FGF14: variants seen among roughly 807,000 people sequenced by gnomAD.
FGF14 encodes the protein fibroblast growth factor 14, also known as fibroblast growth factor homologous factor 4.
Under a neutral mutation model 25.5 loss-of-function variants are expected in FGF14, and 5 were observed. That is an observed-to-expected ratio of 0.20 (90% confidence interval 0.10 to 0.41). FGF14 has a LOEUF of 0.41. FGF14 is among the 10% of genes least tolerant of loss of function. FGF14 has a pLI of 1.00. For synonymous variants in FGF14, 138 were observed against 118.3 expected, an observed-to-expected ratio of 1.17 and a Z score of -1.08; for missense variants, 222 against 320.1, an observed-to-expected ratio of 0.69 and a Z score of 2.34.
intron 1 of FGF14, among the ~76,000 whole-genome samples, chr13:102,109,705 C>T (rs900371549): frequency 4.6e-5 from 7 of 152,064 alleles, no homozygotes; most frequent in African/African-American, 1.4e-4. Context: ...ACTGCAACAT[C>T]GCCTCCCAGG....
chr13:102,104,738 A>G (rs533646154), intron 1 of FGF14, among the ~76,000 whole-genome samples: 2 of 152,282 alleles, frequency 1.3e-5, no homozygotes. Context: ...GTGAGCTGTG[A>G]TCTTGCCACT....
chr13:102,218,719 C>T (rs1390727266), intron 1 of FGF14, among the ~76,000 whole-genome samples: 1 of 151,950 alleles, frequency 6.6e-6, no homozygotes, highest in African/African-American at 2.4e-5. Flanking sequence ...AATGTCACCA[C>T]CTTGGGGTGT....
chr13:102,119,603 T>C (rs1025498484), intron 1 of FGF14, among the ~76,000 whole-genome samples: 4 of 152,192 alleles, frequency 2.6e-5, no homozygotes, highest in African/African-American at 9.7e-5. Flanking sequence ...TCCCTTCAAA[T>C]GGTTTAGATG....
At chr13:101,899,461 A>T (rs1188305390) in intron 1 of FGF14, among the ~76,000 whole-genome samples, 4 of 152,094 alleles carry the variant, frequency 2.6e-5, no homozygotes, top group African/African-American at 9.6e-5. Flanking sequence ...ACTGGAAAAA[A>T]ATATAATACT....
At position 101,720,776 on chromosome 13, in the gene FGF14, A is replaced by AAATC. The variant is rs1436199247; in HGVS notation, c.*2051_*2054dup. 6.6e-6 allele frequency: 1 copy of AAATC among 152,168 alleles called. No homozygotes were observed. Among genetic ancestry groups the AAATC allele is most frequent in the African/African-American group, 2.4e-5 (1 of 41,446 alleles). 9.4% of individuals were successfully genotyped at this position (152,168 alleles called of 1,614,324 possible). ...ATAGGCTTCAAGATGACATAACACCAAATCAAAAATGACCAAAGGAATCAT... is the reference window on the plus strand; with the variant it reads ...ATAGGCTTCAAGATGACATAACACCAAATCAATCAAAAATGACCAAAGGAATCAT... On this transcript the variant is annotated 3_prime_UTR_variant, in exon 5 of 5. Coordinates refer to ENST00000376143, the MANE Select transcript of FGF14 (RefSeq NM_004115.4).
At chr13:101,787,819 A>G (rs2039935518) in intron 3 of FGF14, among the ~76,000 whole-genome samples, 1 of 152,088 alleles carries the variant, frequency 6.6e-6, no homozygotes, top group Non-Finnish European at 1.5e-5. Context: ...ATCTCTGTCC[A>G]CTGAAAAGCT....
intron 1 of FGF14, among the ~76,000 whole-genome samples, chr13:101,895,427 TTACTTCC>T (rs1447838664): frequency 1.3e-5 from 2 of 152,174 alleles, no homozygotes; most frequent in Non-Finnish European, 2.9e-5. Context: ...ATTCCTCCAG[TTACTTCC>T]TACTTCTGTT....
chr13:102,160,565 T>A (rs1315928897), intron 1 of FGF14, among the ~76,000 whole-genome samples: 3 of 151,788 alleles, frequency 2.0e-5, no homozygotes, highest in African/African-American at 2.4e-5. Context: ...AAGATATAAT[T>A]TCCCCCTCTT....
At chr13:101,916,058 C>T (rs2033446123) in intron 1 of FGF14, among the ~76,000 whole-genome samples, 3 of 152,220 alleles carry the variant, frequency 2.0e-5, no homozygotes, top group Admixed American at 6.5e-5. Context: ...GAAACCCCCA[C>T]CAGCTCAGAT....
intron 1 of FGF14, among the ~76,000 whole-genome samples, chr13:102,061,827 A>G (rs897190952): frequency 6.6e-6 from 1 of 152,220 alleles, no homozygotes; most frequent in Non-Finnish European, 1.5e-5. Flanking sequence ...GCACACGGAG[A>G]GATCACATGT....
At chr13:102,120,623 A>G (rs1203682582) in intron 1 of FGF14, among the ~76,000 whole-genome samples, 1 of 152,182 alleles carries the variant, frequency 6.6e-6, no homozygotes, top group Non-Finnish European at 1.5e-5. Flanking sequence ...CAGCTTTCCA[A>G]AAAAATGGTC....
chr13:102,274,938 G>A (rs1258588714), intron 1 of FGF14, among the ~76,000 whole-genome samples: 1 of 149,860 alleles, frequency 6.7e-6, no homozygotes, highest in Non-Finnish European at 1.5e-5. Context: ...GAGTAAAATA[G>A]CATTTTACTC....
chr13:101,974,587 G>C (rs2037810485), intron 1 of FGF14, among the ~76,000 whole-genome samples: 1 of 152,144 alleles, frequency 6.6e-6, no homozygotes, highest in East Asian at 1.9e-4. Context: ...CTACCACATT[G>C]CACAACTCCA....
chr13:101,852,008 C>G (rs2043876714), intron 3 of FGF14, among the ~76,000 whole-genome samples: 1 of 152,080 alleles, frequency 6.6e-6, no homozygotes, highest in African/African-American at 2.4e-5. Flanking sequence ...GGCTGGGGCT[C>G]TCAAGGAACA....
At chr13:101,819,563 C>T (rs542204353) in intron 3 of FGF14, among the ~76,000 whole-genome samples, 12 of 152,108 alleles carry the variant, frequency 7.9e-5, no homozygotes, top group Non-Finnish European at 1.3e-4. Context: ...AATTATATGG[C>T]GTAATTTTGT....
intron 1 of FGF14, among the ~76,000 whole-genome samples, chr13:102,156,228 T>C (rs2047330026): frequency 6.6e-6 from 1 of 152,124 alleles, no homozygotes; most frequent in South Asian, 2.1e-4. Context: ...TTTAGACCAA[T>C]ATCCCTGATG....
chr13:101,976,036 A>T (rs1422180097), intron 1 of FGF14, among the ~76,000 whole-genome samples: 2 of 152,202 alleles, frequency 1.3e-5, no homozygotes, highest in African/African-American at 4.8e-5. Flanking sequence ...CAGAACAATG[A>T]GCCTGGGTTA....
At chr13:102,313,931 T>A (rs935745503) in intron 1 of FGF14, among the ~76,000 whole-genome samples, 5 of 152,162 alleles carry the variant, frequency 3.3e-5, no homozygotes, top group African/African-American at 1.2e-4. Flanking sequence ...CCAAACGTGT[T>A]TTCCATCACT....
At chr13:102,167,326 A>AAAAAAAAAAAG (rs1566773958) in intron 1 of FGF14, among the ~76,000 whole-genome samples, 1 of 146,908 alleles carries the variant, frequency 6.8e-6, no homozygotes. Flanking sequence ...AAAAAAAAAA[A>AAAAAAAAAAAG]AAAAAAAAGG....
Sources: allele counts gnomAD v4.1 joint callset (sites outside exome capture counted in the v4.1 genomes callset), GRCh38; gene constraint gnomAD v4.1.1; transcripts MANE v1.5; gene names NCBI Gene and HGNC (gene_info 2026-07-23, HGNC 2026-07-21).